Variants in NELL2 observed in about 807,000 individuals in gnomAD.
The protein encoded by NELL2 is neural EGFL like 2, also known as protein kinase C-binding protein NELL2.
Under a neutral mutation model 109.6 loss-of-function variants are expected in NELL2, and 41 were observed. That is an observed-to-expected ratio of 0.37 (90% CI 0.29 to 0.49). NELL2 has a LOEUF of 0.49. Ranked by LOEUF, NELL2 falls within the 20% of genes least tolerant of loss-of-function variation. NELL2 has a pLI of 0.98. For synonymous variants in NELL2, 355 were observed against 344.7 expected (o/e 1.03, Z -0.33); for missense variants, 900 against 1,008.3 (o/e 0.89, Z 1.45).
At chr12:44,745,872 C>A (rs77620615) in intron 9 of NELL2, among the ~76,000 whole-genome samples, 42 of 148,364 alleles carry the variant, frequency 2.8e-4, no homozygotes, top group Admixed American at 2.7e-4. Flanking sequence ...GCCACACTGC[C>A]AAAGGTAATT....
chr12:44,889,985 T>C (rs566413576), intron 1 of NELL2, among the ~76,000 whole-genome samples: 3 of 152,322 alleles, frequency 2.0e-5, no homozygotes, highest in African/African-American at 7.2e-5. Flanking sequence ...GTTTCCCAAA[T>C]GCATGTCTTG....
rs537575557 is a variant in NELL2 at position 44,572,031 on chromosome 12, C to CTCTT, written c.1663+35134_1663+35137dup. 2.5e-3 allele frequency among the ~76,000 whole-genome samples: 377 copies of CTCTT among 152,224 alleles called. 1 individual carries two copies. The highest frequency in any genetic ancestry group is 4.7e-3 in the Non-Finnish European group (319 of 68,004). Reference sequence around the variant, plus strand: ...CATAGCTCAAAAAAGAAAAAAAGGACTCTTTCTTTCTTTCTCTCTCTCTCT... The same window carrying CTCTT: ...CATAGCTCAAAAAAGAAAAAAAGGACTCTTTCTTTCTTTCTTTCTCTCTCTCTCT... On this transcript the variant is annotated intron_variant, in intron 15 of 19. Transcript: ENST00000429094.
intron 15 of NELL2, among the ~76,000 whole-genome samples, chr12:44,590,957 G>A (rs1009043813): frequency 2.0e-5 from 3 of 148,504 alleles, no homozygotes; most frequent in South Asian, 2.1e-4. Flanking sequence ...GAAAAATAAA[G>A]GGCAAAGGAT....
chr12:44,516,037 T>C (rs1444235071), intron 19 of NELL2, among the ~76,000 whole-genome samples: 1 of 151,898 alleles, frequency 6.6e-6, no homozygotes, highest in Non-Finnish European at 1.5e-5. Flanking sequence ...TTTTTTATTA[T>C]ACTTTAAGTT....
chr12:44,815,775 A>C (rs1478828262), intron 3 of NELL2: 3 of 435,982 alleles, frequency 6.9e-6, no homozygotes, highest in Non-Finnish European at 7.9e-6. Context: ...CGCGCCACCA[A>C]GCCCAGCTAA....
At chr12:44,739,816 G>A (rs1299039929) in intron 9 of NELL2, among the ~76,000 whole-genome samples, 2 of 152,114 alleles carry the variant, frequency 1.3e-5, no homozygotes, top group South Asian at 2.1e-4. Flanking sequence ...CCTTGAACTG[G>A]GAAGTGGAGG....
intron 15 of NELL2, among the ~76,000 whole-genome samples, chr12:44,593,717 A>T (rs1592173495): frequency 1.3e-5 from 2 of 152,168 alleles, no homozygotes; most frequent in South Asian, 4.1e-4. Flanking sequence ...TCCCATCAAC[A>T]GTGTAAAAGC....
At chr12:44,511,941 G>C (rs1413077692) in intron 19 of NELL2, among the ~76,000 whole-genome samples, 1 of 152,010 alleles carries the variant, frequency 6.6e-6, no homozygotes. Flanking sequence ...TTATGAGTGA[G>C]ACCACAAAAG....
At position 44,574,059 on chromosome 12, in the gene NELL2, T is replaced by A. The variant is rs149523106; in HGVS notation, c.1663+33110A>T. ...GGGTTTTTGCTTGTTTGTTATTTTTTATTTTATTTTTATTTTTTTTTTGAG... is the reference window on the plus strand; with the variant it reads ...GGGTTTTTGCTTGTTTGTTATTTTTAATTTTATTTTTATTTTTTTTTTGAG... On this transcript the variant is annotated intron_variant, in intron 15 of 19. Transcript: ENST00000429094. Among the ~76,000 whole-genome samples the A allele has an allele frequency of 1.2e-3, 185 of 152,202 alleles. 2 individuals are homozygous for A. The East Asian group carries it at 0.029, about 23-fold the overall frequency.
At chr12:44,835,023 C>T (rs1397688828) in intron 2 of NELL2, among the ~76,000 whole-genome samples, 1 of 152,148 alleles carries the variant, frequency 6.6e-6, no homozygotes, top group African/African-American at 2.4e-5. Context: ...CAATTGGGGT[C>T]ACCAAGAACA....
intron 3 of NELL2, among the ~76,000 whole-genome samples, chr12:44,783,497 T>C (rs1472230730): frequency 1.3e-5 from 2 of 151,752 alleles, no homozygotes; most frequent in Non-Finnish European, 2.9e-5. Flanking sequence ...GATATCAATA[T>C]TAAGAGATAA....
At chr12:44,631,976 T>C (rs1473631030) in intron 13 of NELL2, among the ~76,000 whole-genome samples, 1 of 152,142 alleles carries the variant, frequency 6.6e-6, no homozygotes, top group Non-Finnish European at 1.5e-5. Context: ...TCATACATCC[T>C]ATCTAAGTGG....
At chr12:44,755,376 A>G (rs1036214940) in intron 9 of NELL2, among the ~76,000 whole-genome samples, 3 of 152,078 alleles carry the variant, frequency 2.0e-5, no homozygotes, top group Non-Finnish European at 4.4e-5. Context: ...ACACACGCAC[A>G]TGCACATACA....
At chr12:44,703,204 C>G (rs913890083) in intron 12 of NELL2, among the ~76,000 whole-genome samples, 2 of 152,160 alleles carry the variant, frequency 1.3e-5, no homozygotes, top group Non-Finnish European at 2.9e-5. Flanking sequence ...AATAAACTAT[C>G]TTGGATATTA....
At chr12:44,575,581 G>A (rs936157239) in intron 15 of NELL2, among the ~76,000 whole-genome samples, 1 of 152,182 alleles carries the variant, frequency 6.6e-6, no homozygotes, top group Non-Finnish European at 1.5e-5. Context: ...ACTGCATTTT[G>A]CTGGATTAAT....
chr12:44,762,807 C>T (rs560790070), intron 9 of NELL2, among the ~76,000 whole-genome samples: 2 of 152,302 alleles, frequency 1.3e-5, no homozygotes, highest in African/African-American at 4.8e-5. Flanking sequence ...TAGAATTTTA[C>T]TTATTTCAGG....
intron 12 of NELL2, among the ~76,000 whole-genome samples, chr12:44,698,397 GGC>G (rs10599669): frequency 0.059 from 8,916 of 152,160 alleles, 860 homozygotes; most frequent in African/African-American, 0.2. Flanking sequence ...CTGGAAGCTG[GGC>G]AAAGAAGTTC....
rs759883392 is a variant in NELL2 at position 44,774,802 on chromosome 12, G to A, written c.939C>T (p.Cys313=). ...CATACGCAAGAGCCGACTTAAGTGG[G>A]CAGTCAGGATTTGGGCAGATTAGAG... ...CETLICPNPD[C]PLKSALAYVD... is the part of the protein sequence containing the mutation. Residue 313 remains cysteine, a synonymous_variant, in exon 9 of 20, where the codon TGC becomes TGT. Coordinates refer to ENST00000429094, the MANE Select transcript of NELL2 (RefSeq NM_001145108.2). The A allele has an allele frequency of 6.2e-7, 1 of 1,614,134 alleles. No individual in the cohort carries two copies. The highest frequency in any genetic ancestry group is 8.5e-7 in the Non-Finnish European group (1 of 1,179,992).
At chr12:44,634,752 T>C (rs1946574006) in intron 13 of NELL2, among the ~76,000 whole-genome samples, 1 of 152,192 alleles carries the variant, frequency 6.6e-6, no homozygotes, top group Admixed American at 6.5e-5. Flanking sequence ...CACCACACTG[T>C]CTTCCACAAT....
Sources: gnomAD v4.1 joint callset for allele counts (sites outside exome capture counted in the v4.1 genomes callset) on GRCh38, gnomAD v4.1.1 for gene constraint, MANE v1.5 for transcripts, NCBI Gene and HGNC (gene_info 2026-07-23, HGNC 2026-07-21) for gene names.